Variants in DPP6 observed in about 807,000 individuals in gnomAD.
DPP6 encodes the protein A-type potassium channel modulatory protein DPP6.
A neutral mutation model predicts 122.6 loss-of-function variants in DPP6; 69 were observed. That is an observed-to-expected ratio of 0.56 (90% CI 0.46 to 0.69). The LOEUF is 0.69. Ranked by LOEUF, DPP6 falls within the 30% of genes least tolerant of loss-of-function variation. The probability of loss-of-function intolerance (pLI) is 0.00; values close to 1 mark genes in which losing one functional copy is unlikely to be tolerated. For missense variants in DPP6, 928 were observed against 1,116.9 expected (o/e 0.83, Z 2.41); for synonymous variants, 418 against 433.1 (o/e 0.97, Z 0.43).
chr7:154,613,535 C>G (rs1380220358), intron 5 of DPP6, among the ~76,000 whole-genome samples: 3 of 138,694 alleles, frequency 2.2e-5, no homozygotes, highest in Non-Finnish European at 3.0e-5. Flanking sequence ...AGGAGAATCG[C>G]TTGAACCCAG....
chr7:154,035,829 G>A (rs2533781), intron 1 of DPP6, among the ~76,000 whole-genome samples: 5 of 152,174 alleles, frequency 3.3e-5, no homozygotes, highest in East Asian at 1.9e-4. Context: ...TAGTAGTACC[G>A]TATATTTATT....
At chr7:153,973,770 A>G (rs1796153876) in intron 1 of DPP6, among the ~76,000 whole-genome samples, 1 of 150,068 alleles carries the variant, frequency 6.7e-6, no homozygotes, top group African/African-American at 2.5e-5. Context: ...GGTGGTTCAG[A>G]ACAGAGTGTG....
At chr7:153,828,290 A>G in the DPP6 span, among the ~76,000 whole-genome samples, 9 of 152,188 alleles carry the variant, frequency 5.9e-5, no homozygotes, top group East Asian at 1.7e-3. Flanking sequence ...ATAGCAGGAG[A>G]GAGGGCTTGT....
intron 24 of DPP6, 53 bp from the exon 25 acceptor site, chr7:154,889,404 C>A (rs1474740100): frequency 6.2e-7 from 1 of 1,604,626 alleles, no homozygotes; most frequent in African/African-American, 1.3e-5. Flanking sequence ...CTTGATGGCA[C>A]CATGGGTTTT....
At chr7:154,164,151 G>A (rs1797118193) in intron 1 of DPP6, among the ~76,000 whole-genome samples, 1 of 151,942 alleles carries the variant, frequency 6.6e-6, no homozygotes, top group Admixed American at 6.6e-5. Context: ...ATAGGTGCCT[G>A]GGTTGTTCTG....
chr7:153,764,649 G>A, the DPP6 span, among the ~76,000 whole-genome samples: 4 of 151,542 alleles, frequency 2.6e-5, no homozygotes, highest in African/African-American at 9.7e-5. Context: ...TTGGAAGATG[G>A]CTTTTAGCCT....
chr7:153,917,607 G>A (rs1800383354), intron 1 of DPP6, among the ~76,000 whole-genome samples: 1 of 152,180 alleles, frequency 6.6e-6, no homozygotes, highest in East Asian at 1.9e-4. Context: ...GTAATTGAAA[G>A]TGGTCTGAAG....
intron 1 of DPP6, among the ~76,000 whole-genome samples, chr7:154,294,059 C>G (rs958348621): frequency 6.6e-6 from 1 of 152,090 alleles, no homozygotes; most frequent in Non-Finnish European, 1.5e-5. Flanking sequence ...AGCCAGTAAG[C>G]GAAAGGACCC....
At chr7:154,230,640 T>C (rs953094441) in intron 1 of DPP6, among the ~76,000 whole-genome samples, 1 of 152,220 alleles carries the variant, frequency 6.6e-6, no homozygotes, top group African/African-American at 2.4e-5. Flanking sequence ...AGATTGGGGC[T>C]AGCCCAAAAG....
chr7:154,274,973 G>A (rs531346176), intron 1 of DPP6, among the ~76,000 whole-genome samples: 1 of 152,370 alleles, frequency 6.6e-6, no homozygotes, highest in South Asian at 2.1e-4. Context: ...GGATCCTTGT[G>A]CAGTTGGCAC....
chr7:154,777,525 C>T (rs1383136238), intron 10 of DPP6, among the ~76,000 whole-genome samples: 1 of 152,116 alleles, frequency 6.6e-6, no homozygotes, highest in Non-Finnish European at 1.5e-5. Context: ...GCTGTGGTTT[C>T]TATGCTTTCA....
At chr7:154,208,207 A>T (rs905110617) in intron 1 of DPP6, among the ~76,000 whole-genome samples, 1 of 152,352 alleles carries the variant, frequency 6.6e-6, no homozygotes. Flanking sequence ...TGGACCCCAT[A>T]ATATCAAAAA....
rs1806864075 is a variant in DPP6 at position 154,894,143 on chromosome 7, C to T, written c.*1663C>T. On this transcript the variant is annotated 3_prime_UTR_variant, in exon 26 of 26. Coordinates refer to ENST00000377770, the MANE Select transcript of DPP6 (RefSeq NM_130797.4). ...CGAGTGCTACATGACTGTGCGTTTGCTATTTCAATGGGCCTGAACGACTAC... is the reference window on the plus strand; with the variant it reads ...CGAGTGCTACATGACTGTGCGTTTGTTATTTCAATGGGCCTGAACGACTAC... The T allele has an allele frequency of 6.6e-6, 1 of 152,330 alleles. No individual in the cohort carries two copies. Among genetic ancestry groups the T allele is most frequent in the African/African-American group, 2.4e-5 (1 of 41,570 alleles). The allele number at this position is 152,330 out of a possible 1,614,324, so 9.4% of individuals were successfully genotyped here.
the DPP6 span, among the ~76,000 whole-genome samples, chr7:153,823,929 TTA>T: frequency 6.6e-6 from 1 of 152,140 alleles, no homozygotes; most frequent in Non-Finnish European, 1.5e-5. Flanking sequence ...TCATAAGTCA[TTA>T]ATATTTATAG....
At chr7:154,152,438 G>A (rs1274616980) in intron 1 of DPP6, among the ~76,000 whole-genome samples, 2 of 152,204 alleles carry the variant, frequency 1.3e-5, no homozygotes, top group Non-Finnish European at 2.9e-5. Flanking sequence ...CACCTACAGA[G>A]CAGGCCTCAA....
intron 1 of DPP6, among the ~76,000 whole-genome samples, chr7:154,115,278 C>T (rs1303215554): frequency 6.6e-6 from 1 of 152,172 alleles, no homozygotes; most frequent in Admixed American, 6.5e-5. Flanking sequence ...CACTTAGGCA[C>T]CACTCAAGGC....
intron 2 of DPP6, among the ~76,000 whole-genome samples, chr7:154,469,311 AT>A (rs1822060706): frequency 6.6e-6 from 1 of 152,162 alleles, no homozygotes; most frequent in Admixed American, 6.5e-5. Flanking sequence ...AACAATAGTT[AT>A]TTTGTTTCTT....
chr7:154,447,950 A>T (rs1484347378), intron 2 of DPP6, among the ~76,000 whole-genome samples: 2 of 152,232 alleles, frequency 1.3e-5, no homozygotes, highest in Non-Finnish European at 2.9e-5. Context: ...TGAAAAACCC[A>T]ATAGCTAGCA....
intron 5 of DPP6, among the ~76,000 whole-genome samples, chr7:154,594,069 C>T (rs903700279): frequency 2.0e-5 from 3 of 152,162 alleles, no homozygotes; most frequent in African/African-American, 7.2e-5. Flanking sequence ...AAAGTGTGAC[C>T]TTCCAAGGCA....
Sources: allele counts gnomAD v4.1 joint callset (sites outside exome capture counted in the v4.1 genomes callset), GRCh38; gene constraint gnomAD v4.1.1; transcripts MANE v1.5; gene names NCBI Gene and HGNC (gene_info 2026-07-23, HGNC 2026-07-21).